Variants in AGBL1 observed in about 807,000 individuals in gnomAD.
The protein encoded by AGBL1 is AGBL carboxypeptidase 1.
In AGBL1, 130 loss-of-function variants were observed where a neutral mutation model predicts 118.9. That is an observed-to-expected ratio of 1.09 (90% CI 0.95 to 1.26). AGBL1 has a LOEUF of 1.26. Ranked by LOEUF, AGBL1 falls within the 50% of genes most tolerant of loss-of-function variation. AGBL1 has a pLI of 0.00. For missense variants in AGBL1, 1,584 were observed against 1,298.1 expected, an observed-to-expected ratio of 1.22 and a Z score of -3.38; for synonymous variants, 555 against 478.9, an observed-to-expected ratio of 1.16 and a Z score of -2.08.
rs547822296 is a variant in AGBL1, at chr15:86,888,926, G to A, written c.3159-18161G>A. Among the ~76,000 whole-genome samples the A allele has an allele frequency of 2.6e-5, 4 of 152,254 alleles. No homozygotes were observed. In the East Asian group the frequency reaches 5.8e-4, roughly 22 times the overall value. On this transcript the variant is annotated intron_variant, in intron 22 of 22. Transcript: ENST00000614907. Reference sequence around the variant, plus strand: ...TTCATTGGCTGGAGCAATAGATGGCGTTAATTTCTGGGACAAGACTAACAA... The same window carrying A: ...TTCATTGGCTGGAGCAATAGATGGCATTAATTTCTGGGACAAGACTAACAA...
At chr15:86,945,023 A>T (rs1290385705) in intron 23 of AGBL1, among the ~76,000 whole-genome samples, 1 of 152,144 alleles carries the variant, frequency 6.6e-6, no homozygotes, top group Non-Finnish European at 1.5e-5. Flanking sequence ...ACAGTAAATA[A>T]ATTATAGCAA....
chr15:86,176,694 C>A (rs2077486692), intron 5 of AGBL1, among the ~76,000 whole-genome samples: 1 of 152,126 alleles, frequency 6.6e-6, no homozygotes, highest in South Asian at 2.1e-4. Flanking sequence ...GGGGCCTGGG[C>A]TCTTAAAATG....
At chr15:86,451,187 A>G (rs960008829) in intron 18 of AGBL1, among the ~76,000 whole-genome samples, 3 of 146,280 alleles carry the variant, frequency 2.1e-5, no homozygotes, top group African/African-American at 8.1e-5. Context: ...CACCCACTAA[A>G]TTTCAGCATG....
At chr15:86,495,302 A>G (rs931030640) in intron 18 of AGBL1, among the ~76,000 whole-genome samples, 25 of 151,796 alleles carry the variant, frequency 1.6e-4, no homozygotes, top group Non-Finnish European at 3.4e-4. Context: ...AATTTCTAAA[A>G]TTCAAAACAA....
chr15:86,663,420 C>T lies in AGBL1; in HGVS notation c.2995-10853C>T, dbSNP rs942162828. Among the ~76,000 whole-genome samples the T allele has an allele frequency of 3.3e-5, 5 of 152,090 alleles. No homozygotes were observed. In the East Asian group the frequency reaches 7.7e-4, roughly 23 times the overall value. On this transcript the variant is annotated intron_variant, in intron 21 of 22. Coordinates refer to ENST00000614907, the MANE Select transcript of AGBL1 (RefSeq NM_001386094.1). Reference sequence around the variant, plus strand: ...GTTCAAAATTAGGTCTGAGAGAAACCATAGAGACCCAGGTCTAAAGAGATT... The same window carrying T: ...GTTCAAAATTAGGTCTGAGAGAAACTATAGAGACCCAGGTCTAAAGAGATT...
At chr15:86,955,412 C>T (rs1170996931) in intron 23 of AGBL1, among the ~76,000 whole-genome samples, 2 of 151,656 alleles carry the variant, frequency 1.3e-5, no homozygotes, top group Non-Finnish European at 2.9e-5. Flanking sequence ...CAAATCAGTT[C>T]TGAAACAAAG....
Position 86,834,772 on chromosome 15 carries a change from C to T in AGBL1, c.3159-72315C>T, listed in dbSNP as rs28421784. Among the ~76,000 whole-genome samples the T allele has an allele frequency of 7.8e-3, 1,185 of 152,274 alleles. 14 individuals carry two copies. Among genetic ancestry groups the T allele is most frequent in the African/African-American group, 0.025 (1,034 of 41,564 alleles). On this transcript the variant is annotated intron_variant, in intron 22 of 22. Transcript: ENST00000614907. ...GTCCATGCCAGGCCACTGTCACCTT[C>T]GACTCTGGAGCTTCTCCGTTGACAC...
At chr15:86,159,914 C>T (rs768727685) in intron 5 of AGBL1, among the ~76,000 whole-genome samples, 1 of 152,036 alleles carries the variant, frequency 6.6e-6, no homozygotes, top group South Asian at 2.1e-4. Flanking sequence ...CCAAGCATTT[C>T]GTAGAGTGAA....
intron 9 of AGBL1, 198 bp from the exon 10 acceptor site, chr15:86,262,580 A>T: frequency 1.5e-6 from 1 of 647,074 alleles, no homozygotes; most frequent in Non-Finnish European, 2.8e-6. Context: ...ATGCTGAGAC[A>T]AGTCCTTTAT....
intron 22 of AGBL1, among the ~76,000 whole-genome samples, chr15:86,683,918 CTTCT>C (rs1378837783): frequency 6.6e-6 from 1 of 152,186 alleles, no homozygotes; most frequent in African/African-American, 2.4e-5. Context: ...ACCGCTTTCT[CTTCT>C]TTCTATCTAA....
chr15:86,700,602 C>A (rs1313748683), intron 22 of AGBL1, among the ~76,000 whole-genome samples: 1 of 151,840 alleles, frequency 6.6e-6, no homozygotes, highest in Non-Finnish European at 1.5e-5. Flanking sequence ...AGCATTAACA[C>A]TTTTCAAGAT....
chr15:86,787,304 T>C (rs2078426750), intron 22 of AGBL1, among the ~76,000 whole-genome samples: 1 of 152,172 alleles, frequency 6.6e-6, no homozygotes, highest in Admixed American at 6.5e-5. Flanking sequence ...CAATACAGTA[T>C]TATTAACTAT....
At chr15:86,698,570 T>C (rs1438970303) in intron 22 of AGBL1, among the ~76,000 whole-genome samples, 7 of 152,016 alleles carry the variant, frequency 4.6e-5, no homozygotes, top group African/African-American at 1.4e-4. Context: ...CATCCGCTCC[T>C]TTTTTATTGG....
At chr15:86,350,730 C>T (rs1044398927) in intron 17 of AGBL1, among the ~76,000 whole-genome samples, 1 of 152,114 alleles carries the variant, frequency 6.6e-6, no homozygotes, top group Non-Finnish European at 1.5e-5. Flanking sequence ...TAGAGAATGA[C>T]AATGCTAAAG....
chr15:86,756,571 G>A (rs900134029), intron 22 of AGBL1, among the ~76,000 whole-genome samples: 2 of 152,122 alleles, frequency 1.3e-5, no homozygotes, highest in African/African-American at 4.8e-5. Flanking sequence ...GGGAACTGGG[G>A]AAGATTTCCC....
At chr15:86,282,306 G>A (rs2079367768) in intron 16 of AGBL1, among the ~76,000 whole-genome samples, 1 of 152,058 alleles carries the variant, frequency 6.6e-6, no homozygotes, top group Admixed American at 6.6e-5. Context: ...CTTGTTAATT[G>A]ATGCTTATTG....
intron 17 of AGBL1, among the ~76,000 whole-genome samples, chr15:86,366,360 G>T (rs1319655672): frequency 2.6e-5 from 4 of 152,106 alleles, no homozygotes; most frequent in Non-Finnish European, 5.9e-5. Context: ...ACATTTCAGA[G>T]ATCTCTACAT....
chr15:86,430,996 G>T (rs531131837), intron 18 of AGBL1, among the ~76,000 whole-genome samples: 1 of 152,310 alleles, frequency 6.6e-6, no homozygotes, highest in South Asian at 2.1e-4. Flanking sequence ...CTCAGAGATG[G>T]TAAGTAACTT....
At chr15:86,554,230 G>C in intron 20 of AGBL1, 131 bp from the exon 21 acceptor site, 1 of 790,916 alleles carries the variant, frequency 1.3e-6, no homozygotes, top group Non-Finnish European at 1.9e-6. Flanking sequence ...CCATTTCTTA[G>C]GGTTAATAAA....
Sources: gnomAD v4.1 joint callset for allele counts (sites outside exome capture counted in the v4.1 genomes callset) on GRCh38, gnomAD v4.1.1 for gene constraint, MANE v1.5 for transcripts, NCBI Gene and HGNC (gene_info 2026-07-23, HGNC 2026-07-21) for gene names.